KSR2: variants seen among roughly 807,000 people sequenced by gnomAD.
KSR2 encodes the protein kinase suppressor of ras 2.
In KSR2, 25 loss-of-function variants were observed where a neutral mutation model predicts 107.8. That is an observed-to-expected ratio of 0.23 (90% CI 0.17 to 0.32). KSR2 has a LOEUF of 0.32. Ranked by LOEUF, KSR2 falls within the 10% of genes least tolerant of loss-of-function variation. The pLI, the probability that KSR2 is intolerant of heterozygous loss-of-function variation, is 1.00. For missense variants in KSR2, 887 were observed against 1,268.9 expected (o/e 0.70, Z 4.57); for synonymous variants, 480 against 507.0 (o/e 0.95, Z 0.71).
Position 117,729,513 on chromosome 12 carries a change from T to C in KSR2, c.986+31498A>G, listed in dbSNP as rs77612445. Among the ~76,000 whole-genome samples, 1,378 of 152,200 alleles carry C rather than the reference T, an allele frequency of 9.1e-3. 14 individuals are homozygous for C. The highest frequency in any genetic ancestry group is 0.029 in the African/African-American group (1,207 of 41,532). ...CTGGCAGGATGAGGGCTGGAAATGATGGGGCTGGTATCTTCAGTCAACACA... is the reference window on the plus strand; with the variant it reads ...CTGGCAGGATGAGGGCTGGAAATGACGGGGCTGGTATCTTCAGTCAACACA... On this transcript the variant is annotated intron_variant, in intron 4 of 19. Transcript: ENST00000339824.
intron 3 of KSR2, among the ~76,000 whole-genome samples, chr12:117,824,222 T>C (rs912243283): frequency 1.4e-5 from 2 of 145,886 alleles, no homozygotes; most frequent in Non-Finnish European, 3.0e-5. Context: ...AGATAGAGAG[T>C]AGACTGGTGG....
At chr12:117,554,165 G>C (rs1262198613) in intron 9 of KSR2, among the ~76,000 whole-genome samples, 1 of 152,122 alleles carries the variant, frequency 6.6e-6, no homozygotes, top group East Asian at 1.9e-4. Flanking sequence ...CTACTGTGAG[G>C]CTGGGCATAC....
At chr12:117,572,379 C>A (rs1405836094) in intron 7 of KSR2, among the ~76,000 whole-genome samples, 3 of 152,104 alleles carry the variant, frequency 2.0e-5, no homozygotes, top group African/African-American at 7.2e-5. Flanking sequence ...AGAGCCTGGT[C>A]CAGGAAATCT....
At chr12:117,660,574 C>T (rs569375665) in intron 5 of KSR2, among the ~76,000 whole-genome samples, 4 of 152,150 alleles carry the variant, frequency 2.6e-5, no homozygotes, top group Non-Finnish European at 5.9e-5. Flanking sequence ...AACTTGATCA[C>T]ACCTGCCAAC....
chr12:117,600,277 G>A (rs1880866630), intron 5 of KSR2, among the ~76,000 whole-genome samples: 1 of 152,164 alleles, frequency 6.6e-6, no homozygotes, highest in African/African-American at 2.4e-5. Context: ...ATCCTAACGT[G>A]CAATCTTCCC....
At chr12:117,963,474 A>G (rs1025831072) in intron 1 of KSR2, among the ~76,000 whole-genome samples, 17 of 152,038 alleles carry the variant, frequency 1.1e-4, no homozygotes, top group Middle Eastern at 3.2e-3. Flanking sequence ...GTGGTGGTGC[A>G]TACCTGTAGT....
At chr12:117,738,133 G>T (rs970234574) in intron 4 of KSR2, among the ~76,000 whole-genome samples, 3 of 152,126 alleles carry the variant, frequency 2.0e-5, no homozygotes, top group Admixed American at 2.0e-4. Flanking sequence ...AAGGGATCTG[G>T]AGTCAGAGCT....
chr12:117,557,014 A>G (rs1465245494), intron 8 of KSR2, among the ~76,000 whole-genome samples: 2 of 151,956 alleles, frequency 1.3e-5, no homozygotes, highest in Non-Finnish European at 1.5e-5. Context: ...AAAATCCAAA[A>G]AGCAGCTGGG....
intron 1 of KSR2, among the ~76,000 whole-genome samples, chr12:117,954,974 G>A (rs572065197): frequency 4.0e-5 from 6 of 148,954 alleles, no homozygotes; most frequent in South Asian, 2.1e-4. Context: ...CTGAGATCGC[G>A]CCACTGCACT....
chr12:117,525,307 T>A, intron 13 of KSR2, 88 bp from the exon 14 acceptor site: 1 of 1,415,124 alleles, frequency 7.1e-7, no homozygotes, highest in South Asian at 1.5e-5. Flanking sequence ...TGCACATGCG[T>A]AGGTCTGGGC....
Position 117,761,397 on chromosome 12 carries a change from C to A in KSR2, c.600G>T (p.Arg200Ser). ...WIRTHLSQSP[R>S]VPSKCVQHYC... ...AGTGCTGGACGCACTTGGACGGGACCCTGGGGCTCTGGGAGAGATGGGTGC... is the reference window on the plus strand; with the variant it reads ...AGTGCTGGACGCACTTGGACGGGACACTGGGGCTCTGGGAGAGATGGGTGC... Residue 200 changes from arginine (R) to serine (S), a missense_variant, in exon 4 of 20, where the codon AGG becomes AGT. Coordinates refer to ENST00000339824, the MANE Select transcript of KSR2 (RefSeq NM_173598.6). 6.2e-7 allele frequency: 1 copy of A among 1,608,216 alleles called. No individual in the cohort carries two copies. The highest frequency in any genetic ancestry group is 1.7e-4 in the Middle Eastern group (1 of 6,014).
intron 3 of KSR2, among the ~76,000 whole-genome samples, chr12:117,825,636 T>A (rs1174002778): frequency 6.6e-6 from 1 of 152,144 alleles, no homozygotes; most frequent in Non-Finnish European, 1.5e-5. Flanking sequence ...ATTTGTCAGA[T>A]TCTCAAATCA....
chr12:117,861,591 T>C (rs1593315215), intron 1 of KSR2, among the ~76,000 whole-genome samples: 1 of 151,804 alleles, frequency 6.6e-6, no homozygotes, highest in South Asian at 2.1e-4. Context: ...GGTTTCACCA[T>C]GTTAGCCAGG....
At chr12:117,862,506 A>G (rs1369783778) in intron 1 of KSR2, among the ~76,000 whole-genome samples, 1 of 151,938 alleles carries the variant, frequency 6.6e-6, no homozygotes, top group African/African-American at 2.4e-5. Context: ...TCTCTACAAA[A>G]ATAAAATAAA....
chr12:117,929,942 A>G (rs1895649761), intron 1 of KSR2, among the ~76,000 whole-genome samples: 1 of 152,206 alleles, frequency 6.6e-6, no homozygotes, highest in East Asian at 1.9e-4. Flanking sequence ...GTGGCAAGTT[A>G]TTACATAGCA....
chr12:117,951,623 C>T (rs560277544), intron 1 of KSR2, among the ~76,000 whole-genome samples: 1 of 152,280 alleles, frequency 6.6e-6, no homozygotes, highest in East Asian at 1.9e-4. Context: ...AAGAATGGAA[C>T]ACACAGAGCA....
At chr12:117,680,185 C>T (rs1467181144) in intron 4 of KSR2, among the ~76,000 whole-genome samples, 1 of 152,162 alleles carries the variant, frequency 6.6e-6, no homozygotes, top group Non-Finnish European at 1.5e-5. Flanking sequence ...ACTCCTCTCC[C>T]CATATCCCTG....
At chr12:117,642,377 G>GGCC (rs1289368498) in intron 5 of KSR2, among the ~76,000 whole-genome samples, 4 of 152,176 alleles carry the variant, frequency 2.6e-5, no homozygotes, top group African/African-American at 9.7e-5. Context: ...ATACAGAGTT[G>GGCC]GAAGTTGTCC....
At chr12:117,507,213 C>T (rs1192529238) in intron 14 of KSR2, among the ~76,000 whole-genome samples, 1 of 152,218 alleles carries the variant, frequency 6.6e-6, no homozygotes, top group African/African-American at 2.4e-5. Context: ...CAGCAGGAAG[C>T]TGAGGATCAC....
Sources: allele counts gnomAD v4.1 joint callset (sites outside exome capture counted in the v4.1 genomes callset), GRCh38; gene constraint gnomAD v4.1.1; transcripts MANE v1.5; gene names NCBI Gene and HGNC (gene_info 2026-07-23, HGNC 2026-07-21).